RMST: variants seen among roughly 807,000 people sequenced by gnomAD.
RMST encodes rhabdomyosarcoma 2 associated transcript, also known as long intergenic non-protein coding RNA 54.
chr12:97,517,384 A>AT (rs1880043352), intron 10 of RMST, among the ~76,000 whole-genome samples: 1 of 152,036 alleles, frequency 6.6e-6, no homozygotes, highest in South Asian at 2.1e-4. Flanking sequence ...AGTTTTACTC[A>AT]TTGTTAAAAA....
chr12:97,504,889 T>C (rs938163107), intron 10 of RMST, among the ~76,000 whole-genome samples: 5 of 152,066 alleles, frequency 3.3e-5, no homozygotes, highest in Admixed American at 2.6e-4. Flanking sequence ...ACATAGAAAA[T>C]GACTCTTGGA....
At chr12:97,501,762 T>G (rs1479471090) in intron 10 of RMST, among the ~76,000 whole-genome samples, 3 of 152,160 alleles carry the variant, frequency 2.0e-5, no homozygotes, top group African/African-American at 7.2e-5. Context: ...GAACAGGGAC[T>G]ATAGCAGGTA....
intron 5 of RMST, chr12:97,491,952 G>A (rs368928135): frequency 1.1e-4 from 59 of 533,594 alleles, no homozygotes; most frequent in South Asian, 7.5e-4. Flanking sequence ...TGAACAGAGC[G>A]CTTTGCTCAG....
chr12:97,474,897 C>A (rs976951458), intron 5 of RMST, among the ~76,000 whole-genome samples: 1 of 152,070 alleles, frequency 6.6e-6, no homozygotes, highest in African/African-American at 2.4e-5. Context: ...TATTAGGAGA[C>A]GATACACCTC....
At chr12:97,517,434 C>T (rs1040211158) in intron 10 of RMST, among the ~76,000 whole-genome samples, 3 of 151,382 alleles carry the variant, frequency 2.0e-5, no homozygotes, top group African/African-American at 7.3e-5. Context: ...AGGGGAAAGC[C>T]CTATCTTCAC....
chr12:97,488,966 T>TA (rs1442517509), intron 5 of RMST, among the ~76,000 whole-genome samples: 1 of 152,108 alleles, frequency 6.6e-6, no homozygotes, highest in East Asian at 1.9e-4. Context: ...GAAGTATGCA[T>TA]AAAAAATGGA....
At chr12:97,484,588 T>C (rs934553548) in intron 5 of RMST, among the ~76,000 whole-genome samples, 1 of 152,222 alleles carries the variant, frequency 6.6e-6, no homozygotes, top group African/African-American at 2.4e-5. Flanking sequence ...CAAACTATGA[T>C]AAAAACAGAA....
chr12:97,475,067 A>G (rs897110708), intron 5 of RMST, among the ~76,000 whole-genome samples: 1 of 152,202 alleles, frequency 6.6e-6, no homozygotes, highest in African/African-American at 2.4e-5. Context: ...AAATATTTAA[A>G]CGTGAAATCT....
At chr12:97,548,233 T>C (rs760060038) in intron 11 of RMST, among the ~76,000 whole-genome samples, 3 of 152,132 alleles carry the variant, frequency 2.0e-5, no homozygotes, top group Non-Finnish European at 4.4e-5. Flanking sequence ...GGTCACTCTA[T>C]TCTATTCCAT....
chr12:97,540,945 G>GATATAC (rs1173276801), intron 11 of RMST, among the ~76,000 whole-genome samples: 2 of 87,764 alleles, frequency 2.3e-5, no homozygotes, highest in African/African-American at 1.2e-4. Context: ...GAGATAGATA[G>GATATAC]ATATAGATAT....
chr12:97,526,733 C>T (rs1375003977), intron 10 of RMST, among the ~76,000 whole-genome samples: 1 of 152,082 alleles, frequency 6.6e-6, no homozygotes, highest in Non-Finnish European at 1.5e-5. Flanking sequence ...GTTGTTATTA[C>T]TGATTTGAGT....
intron 5 of RMST, among the ~76,000 whole-genome samples, chr12:97,469,205 T>C (rs1054779495): frequency 6.8e-6 from 1 of 146,122 alleles, no homozygotes; most frequent in Admixed American, 6.8e-5. Flanking sequence ...TATACACATT[T>C]ACTATATATA....
chr12:97,486,246 A>T (rs1422358664), intron 5 of RMST, among the ~76,000 whole-genome samples: 1 of 152,234 alleles, frequency 6.6e-6, no homozygotes, highest in Non-Finnish European at 1.5e-5. Context: ...ATGTGAAATA[A>T]GAGAGAACTC....
At chr12:97,470,264 A>C (rs1873749953) in intron 5 of RMST, among the ~76,000 whole-genome samples, 1 of 152,110 alleles carries the variant, frequency 6.6e-6, no homozygotes, top group Admixed American at 6.6e-5. Context: ...CTGTGTTTGT[A>C]GGTGTGCCCA....
intron 10 of RMST, among the ~76,000 whole-genome samples, chr12:97,498,557 A>G (rs1174105556): frequency 6.6e-6 from 1 of 152,106 alleles, no homozygotes; most frequent in Non-Finnish European, 1.5e-5. Context: ...GCATGTATAC[A>G]CATATCTTCT....
intron 13 of RMST, among the ~76,000 whole-genome samples, chr12:97,562,946 A>T (rs1884233126): frequency 6.6e-6 from 1 of 152,226 alleles, no homozygotes; most frequent in African/African-American, 2.4e-5. Context: ...AGTGCTTAAT[A>T]GTCTGGAATG....
chr12:97,513,857 C>A (rs1324748449), intron 10 of RMST, among the ~76,000 whole-genome samples: 3 of 151,922 alleles, frequency 2.0e-5, no homozygotes, highest in African/African-American at 4.8e-5. Context: ...TAGGTTATGT[C>A]CAGAAAAGAA....
At chr12:97,545,495 A>T (rs1882863924) in intron 11 of RMST, among the ~76,000 whole-genome samples, 1 of 152,084 alleles carries the variant, frequency 6.6e-6, no homozygotes, top group South Asian at 2.1e-4. Flanking sequence ...CCCTCAGAGA[A>T]CAATTTTTTT....
intron 5 of RMST, among the ~76,000 whole-genome samples, chr12:97,468,654 G>T (rs1011172114): frequency 1.3e-5 from 2 of 151,970 alleles, no homozygotes; most frequent in African/African-American, 4.8e-5. Flanking sequence ...CAGTGGTCAG[G>T]AACATATGGT....
Sources: gnomAD v4.1 joint callset for allele counts (sites outside exome capture counted in the v4.1 genomes callset) on GRCh38, gnomAD v4.1.1 for gene constraint, MANE v1.5 for transcripts, NCBI Gene and HGNC (gene_info 2026-07-23, HGNC 2026-07-21) for gene names.